LCORL: variants seen among roughly 807,000 people sequenced by gnomAD.
LCORL encodes ligand dependent nuclear receptor corepressor like.
In LCORL, 41 loss-of-function variants were observed where a neutral mutation model predicts 141.8. The observed-to-expected ratio is 0.29, with a 90% CI of 0.23 to 0.38. The LOEUF is 0.38. LCORL is among the 10% of genes least tolerant of loss of function. The pLI is 1.00. For synonymous variants in LCORL, 618 were observed against 694.1 expected (o/e 0.89, Z 1.72); for missense variants, 1,759 against 2,035.0 (o/e 0.86, Z 2.61).
At chr4:17,917,328 G>T (rs1357567324) in intron 4 of LCORL, among the ~76,000 whole-genome samples, 1 of 152,134 alleles carries the variant, frequency 6.6e-6, no homozygotes, top group African/African-American at 2.4e-5. Context: ...CAATAGCTGG[G>T]ATCACAGGGG....
chr4:17,975,985 C>T (rs995820361), intron 1 of LCORL, among the ~76,000 whole-genome samples: 1 of 152,040 alleles, frequency 6.6e-6, no homozygotes, highest in East Asian at 1.9e-4. Flanking sequence ...ATTTATATTG[C>T]ATATTTTTAT....
exon 8 of LCORL, chr4:17,841,999 A>G (rs1035823529): frequency 2.5e-5 from 6 of 243,578 alleles, no homozygotes; most frequent in African/African-American, 9.1e-5. Context: ...GTACTTCATT[A>G]TAACACATTT....
At chr4:17,891,139 G>A (rs915413952) in intron 5 of LCORL, among the ~76,000 whole-genome samples, 5 of 152,112 alleles carry the variant, frequency 3.3e-5, no homozygotes, top group Admixed American at 6.5e-5. Flanking sequence ...TAAAGTGTGC[G>A]AAGCATTTGC....
chr4:17,876,693 GA>G lies in LCORL; in HGVS notation c.2296del (p.Ser766LeufsTer4). Reference sequence around the variant, plus strand: ...TCGTTTAGTTCTGCTCAAAAGTCCAGAAACATCATTTCTCAAAAGAGTTTGA... The same window carrying G: ...TCGTTTAGTTCTGCTCAAAAGTCCAGAACATCATTTCTCAAAAGAGTTTGA... On this transcript the variant is annotated frameshift_variant, in exon 7 of 8. Coordinates refer to ENST00000635767, the Ensembl canonical transcript of LCORL. LOFTEE classifies it high-confidence loss of function. 8.1e-7 allele frequency: 1 copy of G among 1,230,764 alleles called. No homozygotes were observed. The highest frequency in any genetic ancestry group is 1.0e-6 in the Non-Finnish European group (1 of 987,054). The allele number at this position is 1,230,764 out of a possible 1,614,324, so 76.2% of individuals were successfully genotyped here.
chr4:18,016,218 C>T lies in LCORL; in HGVS notation c.154+5380G>A, dbSNP rs184820474. 1.6e-3 allele frequency among the ~76,000 whole-genome samples: 241 copies of T among 152,202 alleles called. 5 individuals are homozygous for T. Among genetic ancestry groups the T allele is most frequent in the Middle Eastern group, 0.014 (4 of 294 alleles). ...TAGGGAATGCTTTCTATATGAAAGA[C>T]ACATATCAACATATATTAACACAAA... is the stretch of plus-strand genomic sequence containing the variant. On this transcript the variant is annotated intron_variant, in intron 1 of 7. Coordinates refer to ENST00000635767, the Ensembl canonical transcript of LCORL.
chr4:17,876,985 A>T (rs1201940500), exon 7 of LCORL: 2 of 1,230,650 alleles, frequency 1.6e-6, no homozygotes, highest in Admixed American at 8.5e-5. Flanking sequence ...TGGTCATGAT[A>T]GAATTCTCCT....
intron 5 of LCORL, chr4:17,893,436 T>C (rs1035322874): frequency 4.1e-6 from 4 of 984,914 alleles, no homozygotes; most frequent in Non-Finnish European, 4.8e-6. Flanking sequence ...ATGTCAAAAA[T>C]ATAAATTATG....
Position 17,997,727 on chromosome 4 carries a change from C to T in LCORL, c.154+23871G>A, listed in dbSNP as rs201413732. On this transcript the variant is annotated intron_variant, in intron 1 of 7. Transcript: ENST00000635767. ...ATCAGCAAGAATAAAGAGCTAAAGC[C>T]TAAGAAAAACTGGGAGAAAGAGGAT... Among the ~76,000 whole-genome samples, 8 of 151,824 alleles carry T rather than the reference C, an allele frequency of 5.3e-5. No individual in the cohort carries two copies. In the East Asian group the frequency reaches 1.6e-3, roughly 29 times the overall value.
At chr4:18,001,998 A>C (rs757172052) in intron 1 of LCORL, among the ~76,000 whole-genome samples, 1 of 152,198 alleles carries the variant, frequency 6.6e-6, no homozygotes, top group Non-Finnish European at 1.5e-5. Context: ...TCTAAAATTC[A>C]GATTTTCCAA....
intron 1 of LCORL, among the ~76,000 whole-genome samples, chr4:18,003,172 G>A (rs1458715364): frequency 7.2e-5 from 11 of 152,148 alleles, no homozygotes; most frequent in Admixed American, 7.2e-4. Context: ...AGTCATTAAA[G>A]GTTGAGAGCA....
rs1395016045 is a variant in LCORL, at chr4:17,888,666, A to T, written c.683-2505T>A. Among the ~76,000 whole-genome samples the T allele has an allele frequency of 1.3e-5, 2 of 152,276 alleles. 1 individual carries two copies. The highest frequency in any genetic ancestry group is 4.1e-4 in the South Asian group (2 of 4,830). On this transcript the variant is annotated intron_variant, in intron 5 of 7. Coordinates refer to ENST00000635767, the Ensembl canonical transcript of LCORL. ...GATTTATAAATCTTTTTCTCCCATGAGACTGAATCCCTCAGGGTTCAGGAT... is the reference window on the plus strand; with the variant it reads ...GATTTATAAATCTTTTTCTCCCATGTGACTGAATCCCTCAGGGTTCAGGAT...
intron 7 of LCORL, among the ~76,000 whole-genome samples, chr4:17,860,915 G>A (rs867779865): frequency 2.6e-5 from 4 of 152,304 alleles, no homozygotes; most frequent in Middle Eastern, 3.4e-3. Context: ...TCCAGGTCAC[G>A]TTGATATAAT....
intron 1 of LCORL, among the ~76,000 whole-genome samples, chr4:18,008,536 T>C (rs949416204): frequency 6.6e-6 from 1 of 152,236 alleles, no homozygotes; most frequent in Non-Finnish European, 1.5e-5. Flanking sequence ...TAAGACTGGA[T>C]GTGAATTCTA....
At chr4:17,909,734 T>C (rs1732212399) in intron 4 of LCORL, among the ~76,000 whole-genome samples, 3 of 152,112 alleles carry the variant, frequency 2.0e-5, no homozygotes, top group African/African-American at 4.8e-5. Flanking sequence ...TATCCTAATA[T>C]ACAATGTGCA....
chr4:18,010,452 G>GTA lies in LCORL; in HGVS notation c.154+11144_154+11145dup, dbSNP rs377042782. On this transcript the variant is annotated intron_variant, in intron 1 of 7. Transcript: ENST00000635767. ...TGTATGTATATATGTATGTATGTGTGTATATATATATATTTGAGATGGAGT... is the reference window on the plus strand; with the variant it reads ...TGTATGTATATATGTATGTATGTGTGTATATATATATATATTTGAGATGGAGT... Among the ~76,000 whole-genome samples the GTA allele has an allele frequency of 3.7e-3, 562 of 151,234 alleles. 1 individual carries two copies. The highest frequency in any genetic ancestry group is 6.6e-3 in the Non-Finnish European group (446 of 67,692).
At chr4:18,009,570 C>T (rs946027750) in intron 1 of LCORL, among the ~76,000 whole-genome samples, 1 of 152,052 alleles carries the variant, frequency 6.6e-6, no homozygotes, top group African/African-American at 2.4e-5. Flanking sequence ...TGGACTCCCT[C>T]CTCATCTCAC....
Position 17,911,412 on chromosome 4 carries a change from G to A in LCORL, c.431-2067C>T, listed in dbSNP as rs146028953. 1.5e-3 allele frequency among the ~76,000 whole-genome samples: 235 copies of A among 152,192 alleles called. 1 individual carries two copies. Among genetic ancestry groups the A allele is most frequent in the African/African-American group, 5.3e-3 (218 of 41,522 alleles). On this transcript the variant is annotated intron_variant, in intron 4 of 7. Coordinates refer to ENST00000635767, the Ensembl canonical transcript of LCORL. ...CTAACTTGTTATAACATGTGTAAAC[G>A]GCATCTAGTTTGAGGCACTAAGAAG...
At chr4:17,972,410 T>G (rs1270211488) in intron 2 of LCORL, among the ~76,000 whole-genome samples, 1 of 151,796 alleles carries the variant, frequency 6.6e-6, no homozygotes. Context: ...GGGTGATAGC[T>G]TTTTAGAAGG....
intron 4 of LCORL, chr4:17,912,435 G>C (rs926767973): frequency 5.4e-5 from 32 of 591,120 alleles, no homozygotes; most frequent in African/African-American, 5.0e-4. Context: ...ACCTTGCCAA[G>C]ATCATGGCAG....
Sources: allele counts gnomAD v4.1 joint callset (sites outside exome capture counted in the v4.1 genomes callset), GRCh38; gene constraint gnomAD v4.1.1; transcripts MANE v1.5; gene names NCBI Gene and HGNC (gene_info 2026-07-23, HGNC 2026-07-21).